NADSYN1: variants seen among roughly 807,000 people sequenced by gnomAD.
The protein encoded by NADSYN1 is glutamine-dependent NAD(+) synthetase.
NADSYN1 carries 80 observed loss-of-function variants against 99.3 expected under a neutral mutation model. That is an observed-to-expected ratio of 0.81 (90% CI 0.67 to 0.97). The LOEUF is 0.97. Ranked by LOEUF, NADSYN1 falls within the 50% of genes least tolerant of loss-of-function variation. The pLI is 0.00. For missense variants in NADSYN1, 859 were observed against 948.5 expected (o/e 0.91, Z 1.24); for synonymous variants, 385 against 372.1 (o/e 1.03, Z -0.40).
intron 10 of NADSYN1, chr11:71,480,316 G>A (rs1949697615): frequency 5.6e-6 from 1 of 178,720 alleles, no homozygotes; most frequent in Admixed American, 5.8e-5. Context: ...TGGGATTACA[G>A]GCTTCCACCA....
chr11:71,487,830 C>CAAAAAAAAAA (rs71049984), intron 16 of NADSYN1, among the ~76,000 whole-genome samples: 18 of 79,964 alleles, frequency 2.3e-4, no homozygotes, highest in Non-Finnish European at 3.8e-4. Context: ...GACTCCGTCT[C>CAAAAAAAAAA]AAAAAAAAAA....
At chr11:71,481,810 C>T in intron 12 of NADSYN1, 113 bp from the exon 13 acceptor site, 1 of 847,756 alleles carries the variant, frequency 1.2e-6, no homozygotes. Context: ...GTGCTAACAC[C>T]CACGTGCATT....
rs574842692 is a variant in NADSYN1, at chr11:71,477,144, G to A, written c.799-1251G>A. On this transcript the variant is annotated intron_variant, in intron 9 of 20. Transcript: ENST00000319023. Reference sequence around the variant, plus strand: ...AACAGACCTGCCGATCACCCCCGTCGGGCCCGCGTTTCTCAGGGTCTTCCT... The same window carrying A: ...AACAGACCTGCCGATCACCCCCGTCAGGCCCGCGTTTCTCAGGGTCTTCCT... 60 of 1,133,394 alleles carry A rather than the reference G, an allele frequency of 5.3e-5. No individual in the cohort carries two copies. In the East Asian group the frequency reaches 3.3e-3, roughly 62 times the overall value. The allele number at this position is 1,133,394 out of a possible 1,614,324, so 70.2% of individuals were successfully genotyped here. A position where few individuals can be genotyped will look rare whatever the true frequency, so the allele number is the denominator to read the frequency against.
chr11:71,486,335 C>T (rs1949743004), intron 16 of NADSYN1, among the ~76,000 whole-genome samples: 1 of 152,152 alleles, frequency 6.6e-6, no homozygotes, highest in African/African-American at 2.4e-5. Context: ...ATCCATCCAT[C>T]TGTCCATTCA....
intron 1 of NADSYN1, 110 bp from the exon 2 acceptor site, chr11:71,455,000 T>G: frequency 1.4e-6 from 1 of 725,924 alleles, no homozygotes; most frequent in Non-Finnish European, 2.3e-6. Flanking sequence ...CATTTTTGTT[T>G]GTTGTTTGTT....
At chr11:71,476,512 C>A in intron 9 of NADSYN1, 1 of 326,854 alleles carries the variant, frequency 3.1e-6, no homozygotes, top group Non-Finnish European at 4.5e-6. Flanking sequence ...AAGTGAACTT[C>A]ACCCTGAACA....
chr11:71,469,927 GAAAA>G (rs749801544), intron 5 of NADSYN1, among the ~76,000 whole-genome samples: 9 of 109,168 alleles, frequency 8.2e-5, no homozygotes, highest in Non-Finnish European at 3.4e-5. Flanking sequence ...GCCTGTCTCA[GAAAA>G]AAAAAAAAAA....
At chr11:71,469,927 G>GAAAAAAAAAAAAAAAAAAAAA (rs749801544) in intron 5 of NADSYN1, among the ~76,000 whole-genome samples, 1 of 109,168 alleles carries the variant, frequency 9.2e-6, no homozygotes. Context: ...GCCTGTCTCA[G>GAAAAAAAAAAAAAAAAAAAAA]AAAAAAAAAA....
intron 16 of NADSYN1, 30 bp downstream of exon 16, chr11:71,485,678 G>A: frequency 2.0e-6 from 3 of 1,509,930 alleles, no homozygotes; most frequent in Non-Finnish European, 2.7e-6. Flanking sequence ...ACGTGGTGGT[G>A]GGCCCCTGAA....
At chr11:71,474,367 A>C (rs1276153623) in intron 8 of NADSYN1, 28 bp from the exon 9 acceptor site, 1 of 1,613,198 alleles carries the variant, frequency 6.2e-7, no homozygotes, top group South Asian at 1.1e-5. Context: ...ACAGCTGACC[A>C]CTCCGCTATG....
intron 20 of NADSYN1, 49 bp from the exon 21 acceptor site, chr11:71,501,253 C>A: frequency 6.8e-7 from 1 of 1,477,348 alleles, no homozygotes; most frequent in African/African-American, 1.4e-5. Context: ...TTCAACAGCC[C>A]CACAGTCCGT....
rs140426083 is a variant in NADSYN1, at chr11:71,463,612, G to A, written c.317+127G>A. ...TGGGAGGCTGCTTCTGGAAGTGCCC[G>A]GGCTTAGTGAGGGCCGATGCACCAG... On this transcript the variant is annotated intron_variant, in intron 4 of 20. Transcript: ENST00000319023. The A allele has an allele frequency of 1.5e-3, 1,312 of 895,842 alleles. 3 individuals carry two copies. The highest frequency in any genetic ancestry group is 4.3e-3 in the Middle Eastern group (14 of 3,228). 55.5% of individuals were successfully genotyped at this position (895,842 alleles called of 1,614,324 possible).
intron 5 of NADSYN1, among the ~76,000 whole-genome samples, chr11:71,469,609 T>C (rs1949614006): frequency 6.6e-6 from 1 of 152,338 alleles, no homozygotes; most frequent in African/African-American, 2.4e-5. Context: ...AGCAGGAACA[T>C]GTCCTTAAGG....
chr11:71,469,209 G>A (rs1241241311), intron 5 of NADSYN1, among the ~76,000 whole-genome samples: 2 of 152,146 alleles, frequency 1.3e-5, no homozygotes, highest in Non-Finnish European at 2.9e-5. Flanking sequence ...TGTAATCCCA[G>A]CACTTTGGGA....
chr11:71,464,980 A>T (rs1949578354), intron 5 of NADSYN1, among the ~76,000 whole-genome samples: 1 of 151,930 alleles, frequency 6.6e-6, no homozygotes, highest in African/African-American at 2.4e-5. Context: ...AGTGTCACAG[A>T]TATCGACTAG....
chr11:71,489,549 A>G (rs1274168657), intron 16 of NADSYN1, among the ~76,000 whole-genome samples: 1 of 152,186 alleles, frequency 6.6e-6, no homozygotes, highest in Non-Finnish European at 1.5e-5. Flanking sequence ...GATGGAAGAG[A>G]AAAAGTGCTA....
At chr11:71,489,648 T>C (rs1000041704) in intron 16 of NADSYN1, among the ~76,000 whole-genome samples, 1 of 152,168 alleles carries the variant, frequency 6.6e-6, no homozygotes, top group Non-Finnish European at 1.5e-5. Context: ...CAGGGAGCGA[T>C]GGGGTGACTG....
At chr11:71,458,627 C>A in intron 3 of NADSYN1, 83 bp downstream of exon 3, 1 of 968,920 alleles carries the variant, frequency 1.0e-6, no homozygotes, top group Non-Finnish European at 1.7e-6. Context: ...GGCCTCCATC[C>A]AGGGTGTGGA....
At chr11:71,480,959 C>A in intron 11 of NADSYN1, 80 bp downstream of exon 11, 2 of 1,573,326 alleles carry the variant, frequency 1.3e-6, no homozygotes, top group Non-Finnish European at 8.7e-7. Flanking sequence ...GGAGGTCACG[C>A]AGTGGGTTTT....
Sources: gnomAD v4.1 joint callset for allele counts (sites outside exome capture counted in the v4.1 genomes callset) on GRCh38, gnomAD v4.1.1 for gene constraint, MANE v1.5 for transcripts, NCBI Gene and HGNC (gene_info 2026-07-23, HGNC 2026-07-21) for gene names.